The following CDH18 variants were observed in gnomAD, a reference collection of about 807,000 sequenced individuals.
The protein encoded by CDH18 is cadherin-18.
A neutral mutation model predicts 67.9 loss-of-function variants in CDH18; 31 were observed. The ratio of observed to expected loss-of-function variants is 0.46; its 90% CI spans 0.34 to 0.62. The LOEUF is 0.62. Among genes scored for constraint, CDH18 ranks in the 20% least tolerant of loss-of-function variants. The pLI is 0.01. For missense variants in CDH18, 890 were observed against 975.5 expected (o/e 0.91, Z 1.17); for synonymous variants, 362 against 347.2 (o/e 1.04, Z -0.48).
At position 19,624,069 on chromosome 5, in the gene CDH18, G is replaced by A. The variant is rs145523445; in HGVS notation, c.644-11468C>T. The stretch of plus-strand genomic sequence containing the variant: ...GTTCCCCCAGCTAGAGTGCAGTGGC[G>A]CCATCTTGGCTCACTGCAAACTCTG... On this transcript the variant is annotated intron_variant, in intron 5 of 12. Coordinates refer to ENST00000382275, the MANE Select transcript of CDH18 (RefSeq NM_004934.5). Among the ~76,000 whole-genome samples the A allele has an allele frequency of 2.2e-3, 329 of 150,674 alleles. 4 individuals are homozygous for A. Among genetic ancestry groups the A allele is most frequent in the East Asian group, 3.9e-3 (20 of 5,114 alleles).
intron 10 of CDH18, among the ~76,000 whole-genome samples, chr5:19,516,491 G>T (rs1746024376): frequency 6.6e-6 from 1 of 151,706 alleles, no homozygotes; most frequent in East Asian, 1.9e-4. Flanking sequence ...GACTTTTTTT[G>T]GTTGGTAGGC....
chr5:20,281,010 G>A (rs1746219340), intron 1 of CDH18, among the ~76,000 whole-genome samples: 1 of 152,138 alleles, frequency 6.6e-6, no homozygotes. Flanking sequence ...GTCTTCTTTT[G>A]AGAAGTGTCT....
At chr5:19,810,408 G>C (rs976030423) in intron 3 of CDH18, among the ~76,000 whole-genome samples, 5 of 151,920 alleles carry the variant, frequency 3.3e-5, no homozygotes, top group Non-Finnish European at 7.4e-5. Flanking sequence ...ACAAATTCAA[G>C]TTAATATTCA....
chr5:20,373,533 T>C (rs115994619), intron 1 of CDH18, among the ~76,000 whole-genome samples: 1,600 of 152,238 alleles, frequency 0.011, 35 homozygotes, highest in African/African-American at 0.037. Context: ...AGGTGTTGTT[T>C]TACTTGGCTT....
At chr5:20,230,618 C>T (rs1580533719) in intron 2 of CDH18, among the ~76,000 whole-genome samples, 2 of 150,972 alleles carry the variant, frequency 1.3e-5, no homozygotes. Context: ...TACATACCTT[C>T]ATTTCAGATA....
chr5:20,218,643 A>G (rs1005990879), intron 2 of CDH18, among the ~76,000 whole-genome samples: 1 of 151,920 alleles, frequency 6.6e-6, no homozygotes, highest in African/African-American at 2.4e-5. Context: ...GTTTCCCCTC[A>G]TATTGTTCTC....
chr5:20,507,611 C>A lies in CDH18; in HGVS notation c.-580+67851G>T, dbSNP rs370553395. On this transcript the variant is annotated intron_variant, in intron 1 of 14. Transcript: ENST00000507958. ...TAGATATCCTCAAAGTAAAAGAAGA[C>A]AGGAAAATAAGATACTGAACAAAAA... Among the ~76,000 whole-genome samples the A allele has an allele frequency of 2.6e-5, 4 of 152,104 alleles. No individual in the cohort carries two copies. The East Asian group carries it at 7.7e-4, about 29-fold the overall frequency.
At chr5:19,903,610 A>T (rs190611135) in intron 2 of CDH18, among the ~76,000 whole-genome samples, 163 of 132,636 alleles carry the variant, frequency 1.2e-3, no homozygotes, top group Non-Finnish European at 2.3e-3. Flanking sequence ...AGTAACAAGC[A>T]AAGTGGCTTT....
intron 7 of CDH18, among the ~76,000 whole-genome samples, chr5:19,589,918 C>T (rs1744816458): frequency 6.6e-6 from 1 of 152,080 alleles, no homozygotes; most frequent in African/African-American, 2.4e-5. Flanking sequence ...TTAACTATTG[C>T]TGAATACCAG....
intron 5 of CDH18, among the ~76,000 whole-genome samples, chr5:19,717,769 G>A (rs1179264786): frequency 1.3e-5 from 2 of 152,000 alleles, no homozygotes; most frequent in African/African-American, 4.8e-5. Flanking sequence ...TGTTTCCTTA[G>A]ATAGTAAAAT....
At chr5:19,686,845 T>A (rs181240764) in intron 5 of CDH18, among the ~76,000 whole-genome samples, 53 of 152,266 alleles carry the variant, frequency 3.5e-4, no homozygotes, top group Non-Finnish European at 6.0e-4. Flanking sequence ...AAAATTATTA[T>A]ATGCTAGTAT....
intron 1 of CDH18, among the ~76,000 whole-genome samples, chr5:20,524,450 ATT>A (rs1402042443): frequency 6.6e-6 from 1 of 152,152 alleles, no homozygotes; most frequent in East Asian, 1.9e-4. Context: ...TTGACAGCAC[ATT>A]TTTTCTACAT....
intron 1 of CDH18, among the ~76,000 whole-genome samples, chr5:20,323,902 T>A (rs995559677): frequency 1.3e-5 from 2 of 152,208 alleles, no homozygotes; most frequent in Non-Finnish European, 2.9e-5. Flanking sequence ...ACCTGAAAGT[T>A]CATAACAGAA....
At chr5:20,463,777 C>A (rs1751440791) in intron 1 of CDH18, among the ~76,000 whole-genome samples, 1 of 152,176 alleles carries the variant, frequency 6.6e-6, no homozygotes, top group Admixed American at 6.6e-5. Context: ...TGAGGAATGC[C>A]GTCTATTTGT....
chr5:20,570,736 C>T (rs1448739691), intron 1 of CDH18, among the ~76,000 whole-genome samples: 1 of 152,210 alleles, frequency 6.6e-6, no homozygotes, highest in East Asian at 1.9e-4. Flanking sequence ...TTCTAATGGA[C>T]AGGAAATAAT....
intron 3 of CDH18, among the ~76,000 whole-genome samples, chr5:19,815,240 T>C (rs1779160641): frequency 6.6e-6 from 1 of 151,998 alleles, no homozygotes; most frequent in Admixed American, 6.6e-5. Context: ...TAGAATTGTG[T>C]GCTATAATTA....
chr5:19,768,629 T>C (rs896941613), intron 3 of CDH18, among the ~76,000 whole-genome samples: 3 of 152,128 alleles, frequency 2.0e-5, no homozygotes, highest in African/African-American at 7.2e-5. Flanking sequence ...CTCTGTCAAA[T>C]CATTAACTCA....
At chr5:20,423,582 G>A (rs1042015028) in intron 1 of CDH18, among the ~76,000 whole-genome samples, 2 of 150,928 alleles carry the variant, frequency 1.3e-5, no homozygotes, top group African/African-American at 5.0e-5. Flanking sequence ...AGTGCTACAC[G>A]CAAAGAGATG....
Position 19,612,446 on chromosome 5 carries a change from G to A in CDH18, c.799C>T (p.Arg267Cys), listed in dbSNP as rs375530344. 19 of 1,614,014 alleles carry A rather than the reference G, an allele frequency of 1.2e-5. No homozygotes were observed. Among genetic ancestry groups the A allele is most frequent in the South Asian group, 5.5e-5 (5 of 91,058 alleles). Residue 267 changes from arginine to cysteine, a missense_variant, in exon 6 of 13, where the codon CGC becomes TGC. By Grantham distance (180) the Arg-to-Cys change is radical (BLOSUM62 -3). This residue lies in a region of CDH18 where 656 missense variants were observed against 668.1 expected (regional missense o/e 0.98). Transcript: ENST00000382275. Reference protein sequence around the residue: ...TLTDVNDNPPRFPQKHYQLYV... With the variant: ...TLTDVNDNPPCFPQKHYQLYV... ...AACAAATACGTACTTTGAGGAAAGC[G>A]TGGTGGGTTGTCATTGACATCGGTT...
Sources: allele counts gnomAD v4.1 joint callset (sites outside exome capture counted in the v4.1 genomes callset), GRCh38; gene constraint gnomAD v4.1.1; regional missense constraint gnomAD v4.1.1; transcripts MANE v1.5; gene names NCBI Gene and HGNC (gene_info 2026-07-23, HGNC 2026-07-21).